The following PLEKHA2 variants were observed in gnomAD, a reference collection of about 807,000 sequenced individuals.
PLEKHA2 encodes pleckstrin homology domain containing A2.
A neutral mutation model predicts 53.2 loss-of-function variants in PLEKHA2; 28 were observed. The ratio of observed to expected loss-of-function variants is 0.53; its 90% confidence interval spans 0.39 to 0.72. PLEKHA2 has a LOEUF of 0.72. Among genes scored for constraint, PLEKHA2 ranks in the 30% least tolerant of loss-of-function variants. The pLI, the probability that PLEKHA2 is intolerant of heterozygous loss-of-function variation, is 0.00. For synonymous variants in PLEKHA2, 193 were observed against 196.4 expected, an observed-to-expected ratio of 0.98 and a Z score of 0.14; for missense variants, 426 against 537.9, an observed-to-expected ratio of 0.79 and a Z score of 2.06.
At chr8:38,953,191 C>T in intron 8 of PLEKHA2, 106 bp from the exon 9 acceptor site, 1 of 926,022 alleles carries the variant, frequency 1.1e-6, no homozygotes, top group Non-Finnish European at 1.7e-6. Context: ...ATTTGTCAAC[C>T]TGATTTTAGC....
chr8:38,958,061 A>T (rs906312211), intron 10 of PLEKHA2, among the ~76,000 whole-genome samples: 1 of 152,206 alleles, frequency 6.6e-6, no homozygotes, highest in Admixed American at 6.5e-5. Flanking sequence ...GCGGTGGCTC[A>T]TGCCTGGAAT....
chr8:38,929,952 C>T (rs79347291), intron 2 of PLEKHA2, among the ~76,000 whole-genome samples: 1,855 of 152,262 alleles, frequency 0.012, 67 homozygotes, highest in Admixed American at 0.074. Flanking sequence ...GAGTAGAAGT[C>T]ACATGGGTAA....
intron 5 of PLEKHA2, among the ~76,000 whole-genome samples, chr8:38,947,163 AG>A (rs1834730860): frequency 2.0e-5 from 1 of 49,998 alleles, no homozygotes; most frequent in African/African-American, 7.8e-5. Context: ...CCGTGAAAAG[AG>A]AGAGTGATGA....
chr8:38,950,521 C>A, intron 5 of PLEKHA2: 1 of 202,608 alleles, frequency 4.9e-6, no homozygotes. Flanking sequence ...TTTTGTCATT[C>A]CCCCTACTAG....
At chr8:38,933,800 G>GA (rs1489272296) in intron 2 of PLEKHA2, among the ~76,000 whole-genome samples, 2 of 71,398 alleles carry the variant, frequency 2.8e-5, no homozygotes, top group Non-Finnish European at 6.3e-5. Context: ...AAAAAGAAAA[G>GA]AAAGAAAAGC....
Position 38,971,606 on chromosome 8 carries a change from G to A in PLEKHA2, c.*1823G>A, listed in dbSNP as rs956714668. The A allele has an allele frequency of 5.3e-5, 8 of 152,142 alleles. No homozygotes were observed. Among genetic ancestry groups the A allele is most frequent in the African/African-American group, 1.2e-4 (5 of 41,428 alleles). 9.4% of individuals were successfully genotyped at this position (152,142 alleles called of 1,614,324 possible). A position where few individuals can be genotyped will look rare whatever the true frequency, so the allele number is the denominator to read the frequency against. On this transcript the variant is annotated 3_prime_UTR_variant, in exon 12 of 12. Transcript: ENST00000617275. ...CACGGAAAAGATGTCCTCTTTTGGTGTATACATTGTGAAAATCTACCCATT... is the reference window on the plus strand; with the variant it reads ...CACGGAAAAGATGTCCTCTTTTGGTATATACATTGTGAAAATCTACCCATT...
intron 9 of PLEKHA2, among the ~76,000 whole-genome samples, chr8:38,956,537 T>A (rs997906443): frequency 3.0e-4 from 45 of 152,206 alleles, no homozygotes; most frequent in African/African-American, 1.0e-3. Context: ...CAGTGGCTCA[T>A]ACCTGTAATC....
At chr8:38,919,162 T>C (rs1451178134) in intron 2 of PLEKHA2, among the ~76,000 whole-genome samples, 1 of 152,222 alleles carries the variant, frequency 6.6e-6, no homozygotes, top group Non-Finnish European at 1.5e-5. Flanking sequence ...TGTTTCCTCA[T>C]GGTCCAGATG....
intron 2 of PLEKHA2, among the ~76,000 whole-genome samples, chr8:38,927,049 G>T (rs994688298): frequency 2.6e-5 from 4 of 152,176 alleles, no homozygotes; most frequent in African/African-American, 9.6e-5. Context: ...CTTAGCAGAG[G>T]TTAAATAACT....
Position 38,943,805 on chromosome 8 carries a change from CA to C in PLEKHA2, c.219del (p.Lys73AsnfsTer29). ...TYISKVSIAT[P>X]KQKPKTPFCF... ...TTGATTTAGGTGAGCATAGCTACCC[CA>C]AAACAGAAACCAAAAACTCCATTTT... On this transcript the variant is annotated frameshift_variant, in exon 4 of 12. Transcript: ENST00000617275. LOFTEE classifies it high-confidence loss of function. 2.5e-6 allele frequency: 4 copies of C among 1,579,228 alleles called. No individual in the cohort carries two copies. The highest frequency in any genetic ancestry group is 1.2e-5 in the South Asian group (1 of 85,690).
chr8:38,953,190 C>A, intron 8 of PLEKHA2, 107 bp from the exon 9 acceptor site: 1 of 917,196 alleles, frequency 1.1e-6, no homozygotes, highest in South Asian at 1.4e-5. Flanking sequence ...TATTTGTCAA[C>A]CTGATTTTAG....
chr8:38,948,798 T>C (rs774234594), intron 5 of PLEKHA2, among the ~76,000 whole-genome samples: 1 of 152,200 alleles, frequency 6.6e-6, no homozygotes, highest in Non-Finnish European at 1.5e-5. Flanking sequence ...TGTTGCGTTC[T>C]CCTGAAGGTG....
intron 5 of PLEKHA2, among the ~76,000 whole-genome samples, chr8:38,947,276 C>A (rs1262574814): frequency 1.3e-5 from 2 of 152,004 alleles, no homozygotes; most frequent in African/African-American, 2.4e-5. Flanking sequence ...CATAGTGAAA[C>A]CCCGTCTCTA....
At chr8:38,942,676 C>G (rs1321104863) in intron 3 of PLEKHA2, among the ~76,000 whole-genome samples, 1 of 152,154 alleles carries the variant, frequency 6.6e-6, no homozygotes, top group African/African-American at 2.4e-5. Flanking sequence ...GGCTCAGCCT[C>G]CATCAAGGAT....
At chr8:38,930,988 G>A (rs1462721795) in intron 2 of PLEKHA2, among the ~76,000 whole-genome samples, 1 of 152,212 alleles carries the variant, frequency 6.6e-6, no homozygotes, top group African/African-American at 2.4e-5. Flanking sequence ...GAAATCTCCC[G>A]AGGTGGCCAG....
intron 10 of PLEKHA2, among the ~76,000 whole-genome samples, chr8:38,962,097 T>G (rs1222160404): frequency 6.6e-6 from 1 of 152,198 alleles, no homozygotes; most frequent in Non-Finnish European, 1.5e-5. Flanking sequence ...TGAAGGTAAA[T>G]TATTTGTGCA....
rs141295037 is a variant in PLEKHA2 at position 38,936,115 on chromosome 8, G to A, written c.198+65G>A. ...AGTCGATCTGGTTTCTAAGCAAGGG[G>A]AAGTGTCCAGTCCTTTGGGCATTAG... On this transcript the variant is annotated intron_variant, in intron 3 of 11. Transcript: ENST00000617275. The A allele has an allele frequency of 7.5e-4, 1,138 of 1,520,696 alleles. 11 individuals are homozygous for A. In the African/African-American group the frequency reaches 0.014, roughly 18 times the overall value. 94.2% of individuals were successfully genotyped at this position (1,520,696 alleles called of 1,614,324 possible).
chr8:38,943,097 G>A, intron 3 of PLEKHA2, among the ~76,000 whole-genome samples: 1 of 152,110 alleles, frequency 6.6e-6, no homozygotes. Context: ...TTAGGGAGAG[G>A]GTTGGCGGTT....
At position 38,970,038 on chromosome 8, in the gene PLEKHA2, C is replaced by T; in HGVS notation, c.*255C>T. Reference sequence around the variant, plus strand: ...ACTAGGTTAGAACTGTAGGCATACTCAGTGGAGAGGAAGCTACCTATTCTA... The same window carrying T: ...ACTAGGTTAGAACTGTAGGCATACTTAGTGGAGAGGAAGCTACCTATTCTA... On this transcript the variant is annotated 3_prime_UTR_variant, in exon 12 of 12. Coordinates refer to ENST00000617275, the MANE Select transcript of PLEKHA2 (RefSeq NM_021623.2). 2 of 570,214 alleles carry T rather than the reference C, an allele frequency of 3.5e-6. No individual in the cohort carries two copies. The highest frequency in any genetic ancestry group is 6.1e-5 in the East Asian group (2 of 33,010). The allele number at this position is 570,214 out of a possible 1,614,324, so 35.3% of individuals were successfully genotyped here. A position where few individuals can be genotyped will look rare whatever the true frequency, so the allele number is the denominator to read the frequency against.
Sources: allele counts gnomAD v4.1 joint callset (sites outside exome capture counted in the v4.1 genomes callset), GRCh38; gene constraint gnomAD v4.1.1; transcripts MANE v1.5; gene names NCBI Gene and HGNC (gene_info 2026-07-23, HGNC 2026-07-21).